The following CDYL2 variants were observed in gnomAD, a reference collection of about 807,000 sequenced individuals.
CDYL2 encodes the protein chromodomain Y like 2.
Under a neutral mutation model 49.4 loss-of-function variants are expected in CDYL2, and 23 were observed. The observed-to-expected ratio is 0.47, with a 90% confidence interval of 0.34 to 0.66. CDYL2 has a LOEUF of 0.66. Ranked by LOEUF, CDYL2 falls within the 30% of genes least tolerant of loss-of-function variation. CDYL2 has a pLI of 0.01. For synonymous variants in CDYL2, 360 were observed against 268.8 expected (o/e 1.34, Z -3.32); for missense variants, 678 against 656.4 (o/e 1.03, Z -0.36).
intron 1 of CDYL2, among the ~76,000 whole-genome samples, chr16:80,712,919 G>A (rs1904669879): frequency 6.6e-6 from 1 of 152,258 alleles, no homozygotes; most frequent in Admixed American, 6.5e-5. Flanking sequence ...GATAGCAAAT[G>A]TGGACTTCCT....
intron 2 of CDYL2, among the ~76,000 whole-genome samples, chr16:80,638,089 T>C (rs574260660): frequency 7.8e-4 from 118 of 151,854 alleles, no homozygotes; most frequent in African/African-American, 2.7e-3. Flanking sequence ...TTTTTTTTTT[T>C]CTTGAGACAA....
Position 80,603,667 on chromosome 16 carries a change from A to G in CDYL2, c.*721T>C, listed in dbSNP as rs934562768. On this transcript the variant is annotated 3_prime_UTR_variant, in exon 7 of 7. Coordinates refer to ENST00000570137, the MANE Select transcript of CDYL2 (RefSeq NM_152342.4). ...CATCACAATATATAAACAAAAATAA[A>G]TAAATAAAACAAGTCCAAGGAAAGA... 2 of 152,702 alleles carry G rather than the reference A, an allele frequency of 1.3e-5. No homozygotes were observed. The highest frequency in any genetic ancestry group is 4.8e-5 in the African/African-American group (2 of 41,466). The allele number at this position is 152,702 out of a possible 1,614,324, so 9.5% of individuals were successfully genotyped here.
At chr16:80,666,550 A>G (rs1290209396) in intron 2 of CDYL2, among the ~76,000 whole-genome samples, 1 of 152,192 alleles carries the variant, frequency 6.6e-6, no homozygotes, top group East Asian at 1.9e-4. Context: ...GAAGAGGAAC[A>G]CAGCAAGCAG....
intron 2 of CDYL2, among the ~76,000 whole-genome samples, chr16:80,639,251 G>A (rs1907974399): frequency 1.3e-5 from 2 of 152,168 alleles, no homozygotes; most frequent in Admixed American, 6.6e-5. Context: ...CACTGCTGGT[G>A]GGCATATAAG....
Position 80,602,812 on chromosome 16 carries a change from G to C in CDYL2, c.*1576C>G, listed in dbSNP as rs1229278476. ...ACGGAAAAAAATCCCTCCATCCTGA[G>C]AATCTGAGAATCTAGCTTTTTCTGG... is the stretch of plus-strand genomic sequence containing the variant. On this transcript the variant is annotated 3_prime_UTR_variant, in exon 7 of 7. Transcript: ENST00000570137. 1.3e-5 allele frequency: 2 copies of C among 152,202 alleles called. No homozygotes were observed. The highest frequency in any genetic ancestry group is 1.5e-5 in the Non-Finnish European group (1 of 68,058). 9.4% of individuals were successfully genotyped at this position (152,202 alleles called of 1,614,324 possible).
intron 2 of CDYL2, among the ~76,000 whole-genome samples, chr16:80,668,800 G>A (rs1909378185): frequency 6.6e-6 from 1 of 152,086 alleles, no homozygotes; most frequent in South Asian, 2.1e-4. Context: ...TCAGGAGGCT[G>A]AGGCAGGACA....
At chr16:80,659,088 G>C (rs1424706137) in intron 2 of CDYL2, among the ~76,000 whole-genome samples, 1 of 151,210 alleles carries the variant, frequency 6.6e-6, no homozygotes, top group Admixed American at 6.6e-5. Context: ...TGGATGGATG[G>C]ATGGATGGAT....
At chr16:80,604,583 C>A in intron 6 of CDYL2, 37 bp from the exon 7 acceptor site, 1 of 1,611,596 alleles carries the variant, frequency 6.2e-7, no homozygotes, top group Non-Finnish European at 8.5e-7. Flanking sequence ...AGCCGGGCAC[C>A]AGGGACTCTG....
intron 4 of CDYL2, among the ~76,000 whole-genome samples, chr16:80,618,694 C>T (rs1906942180): frequency 1.3e-5 from 2 of 152,152 alleles, no homozygotes; most frequent in South Asian, 4.1e-4. Context: ...GCCTCATCAC[C>T]GTCAACCCAG....
At chr16:80,719,790 G>T (rs973390383) in intron 1 of CDYL2, among the ~76,000 whole-genome samples, 5 of 152,202 alleles carry the variant, frequency 3.3e-5, no homozygotes, top group African/African-American at 1.2e-4. Flanking sequence ...GAAGTGCCTT[G>T]TTCACAGCCC....
intron 2 of CDYL2, among the ~76,000 whole-genome samples, chr16:80,681,737 G>C (rs1187337437): frequency 6.6e-6 from 1 of 152,184 alleles, no homozygotes; most frequent in Non-Finnish European, 1.5e-5. Context: ...TGTAATATGT[G>C]TTACTCCTTC....
chr16:80,655,665 G>A lies in CDYL2; in HGVS notation c.617-22429C>T, dbSNP rs371601791. On this transcript the variant is annotated intron_variant, in intron 2 of 6. Transcript: ENST00000570137. ...CTCCTACCCTCTGCCAGGACACTGG[G>A]CTCGCCTCTCCGATAAACTTAGAAA... Among the ~76,000 whole-genome samples the A allele has an allele frequency of 3.9e-5, 6 of 152,264 alleles. No individual in the cohort carries two copies. In the East Asian group the frequency reaches 9.7e-4, roughly 25 times the overall value.
At chr16:80,804,756 C>T (rs1908049925), upstream of CDYL2, among the ~76,000 whole-genome samples, 1 of 150,104 alleles carries the variant, frequency 6.7e-6, no homozygotes, top group African/African-American at 2.4e-5. Context: ...TGGCGGGGCC[C>T]CCGGGGGGCG....
chr16:80,602,849 A>G lies in CDYL2; in HGVS notation c.*1539T>C, dbSNP rs985102435. ...CTAGCTTTTTCTGGGTGCTTGACCC[A>G]TGGTTTAAACCTCACGCAGAACACA... On this transcript the variant is annotated 3_prime_UTR_variant, in exon 7 of 7. Coordinates refer to ENST00000570137, the MANE Select transcript of CDYL2 (RefSeq NM_152342.4). 1.3e-5 allele frequency: 2 copies of G among 152,184 alleles called. No homozygotes were observed. Among genetic ancestry groups the G allele is most frequent in the African/African-American group, 4.8e-5 (2 of 41,436 alleles). 9.4% of individuals were successfully genotyped at this position (152,184 alleles called of 1,614,324 possible). A position where few individuals can be genotyped will look rare whatever the true frequency, so the allele number is the denominator to read the frequency against.
intron 5 of CDYL2, among the ~76,000 whole-genome samples, chr16:80,609,559 GA>G (rs1432134316): frequency 2.6e-5 from 4 of 152,206 alleles, no homozygotes; most frequent in Non-Finnish European, 5.9e-5. Context: ...GATACTTTCT[GA>G]AGAACACCTC....
Position 80,608,186 on chromosome 16 carries a change from C to A in CDYL2, c.1268G>T (p.Cys423Phe). Residue 423 changes from cysteine to phenylalanine, a missense_variant, in exon 6 of 7, where the codon TGC (cysteine) becomes TTC (phenylalanine). Cys to Phe is a radical substitution (Grantham distance 205, BLOSUM62 -2). Coordinates refer to ENST00000570137, the MANE Select transcript of CDYL2 (RefSeq NM_152342.4). ...CGRKLTAQEA[C>F]SRGLVSQVFW... is the part of the protein sequence containing the mutation. ...GACCTGCGACACCAGCCCCCTGCTG[C>A]AGGCCTCCTGGGCGGTGAGCTTCCG... is the stretch of plus-strand genomic sequence containing the variant. 1 of 1,600,580 alleles carries A rather than the reference C, an allele frequency of 6.2e-7. No homozygotes were observed.
intron 1 of CDYL2, among the ~76,000 whole-genome samples, chr16:80,777,921 A>G (rs1320742727): frequency 1.3e-5 from 2 of 152,056 alleles, no homozygotes; most frequent in African/African-American, 2.4e-5. Flanking sequence ...AAAATTCTAA[A>G]CACTCACAGC....
At chr16:80,773,738 G>T (rs957718803) in intron 1 of CDYL2, among the ~76,000 whole-genome samples, 1 of 152,010 alleles carries the variant, frequency 6.6e-6, no homozygotes, top group Non-Finnish European at 1.5e-5. Flanking sequence ...AATCATAAAA[G>T]ATTATATATT....
chr16:80,657,322 T>C (rs1167350337), intron 2 of CDYL2, among the ~76,000 whole-genome samples: 1 of 152,160 alleles, frequency 6.6e-6, no homozygotes, highest in Non-Finnish European at 1.5e-5. Flanking sequence ...GGACAGTGAA[T>C]AGCATAAAGA....
Sources: allele counts gnomAD v4.1 joint callset (sites outside exome capture counted in the v4.1 genomes callset), GRCh38; gene constraint gnomAD v4.1.1; transcripts MANE v1.5; gene names NCBI Gene and HGNC (gene_info 2026-07-23, HGNC 2026-07-21).